The following CAB39 variants were observed in gnomAD, a reference collection of about 807,000 sequenced individuals.
The protein encoded by CAB39 is calcium-binding protein 39.
CAB39 carries 8 observed loss-of-function variants against 40.0 expected under a neutral mutation model. The ratio of observed to expected loss-of-function variants is 0.20; its 90% confidence interval spans 0.12 to 0.36. CAB39 has a LOEUF of 0.36. CAB39 is among the 10% of genes least tolerant of loss of function. CAB39 has a pLI of 1.00. For synonymous variants in CAB39, 156 were observed against 141.6 expected, an observed-to-expected ratio of 1.10 and a Z score of -0.72; for missense variants, 270 against 401.1, an observed-to-expected ratio of 0.67 and a Z score of 2.79.
In CAB39 at chr2:230,817,791, C is replaced by T; in HGVS notation, c.731C>T (p.Thr244Ile). The change falls in exon 8 of 9, where the codon ACA (threonine) becomes ATA (isoleucine). Residue 244 changes from threonine (T) to isoleucine (I), a missense_variant. Thr to Ile is a moderately conservative substitution (Grantham distance 89). Transcript: ENST00000258418. The stretch of plus-strand genomic sequence containing the variant: ...CTACTACTAGATAGACACAACTTCA[C>T]AATTATGACAAAATACATCAGTAAA... ...GELLLDRHNF[T>I]IMTKYISKPE... The T allele has an allele frequency of 6.2e-7, 1 of 1,611,210 alleles. No homozygotes were observed. Among genetic ancestry groups the T allele is most frequent in the Non-Finnish European group, 8.5e-7 (1 of 1,178,376 alleles).
chr2:230,749,486 A>G (rs1235774147), intron 1 of CAB39, among the ~76,000 whole-genome samples: 1 of 152,240 alleles, frequency 6.6e-6, no homozygotes, highest in African/African-American at 2.4e-5. Context: ...TTAGAAAAAT[A>G]TAAATATCAA....
At chr2:230,722,671 G>A (rs143174238) in intron 1 of CAB39, among the ~76,000 whole-genome samples, 15 of 152,326 alleles carry the variant, frequency 9.8e-5, no homozygotes, top group Non-Finnish European at 1.5e-4. Context: ...CATGCATAGC[G>A]TGTCTGATAG....
chr2:230,743,230 C>T (rs1307970039), intron 1 of CAB39, among the ~76,000 whole-genome samples: 1 of 152,166 alleles, frequency 6.6e-6, no homozygotes, highest in Non-Finnish European at 1.5e-5. Context: ...CTCTATATGA[C>T]TTCCACAGAC....
At chr2:230,816,823 C>T (rs761175831) in intron 7 of CAB39, among the ~76,000 whole-genome samples, 33 of 152,132 alleles carry the variant, frequency 2.2e-4, no homozygotes, top group Non-Finnish European at 3.4e-4. Flanking sequence ...AGTTCAGTAA[C>T]GTGCTCAAGA....
chr2:230,760,256 C>T, intron 2 of CAB39, 141 bp downstream of exon 2: 1 of 519,304 alleles, frequency 1.9e-6, no homozygotes, highest in Non-Finnish European at 3.5e-6. Flanking sequence ...GCTGCTGTTG[C>T]AACATACTTT....
Position 230,811,824 on chromosome 2 carries a change from C to G in CAB39, c.627+1502C>G, listed in dbSNP as rs113116846. Among the ~76,000 whole-genome samples the G allele has an allele frequency of 8.6e-3, 1,306 of 152,276 alleles. 19 individuals are homozygous for G. Among genetic ancestry groups the G allele is most frequent in the African/African-American group, 0.028 (1,169 of 41,552 alleles). ...AACATACTAGTAATTTAAGGCCTAC[C>G]AAAGACACAGACTAGCTGATTTCCA... is the stretch of plus-strand genomic sequence containing the variant. On this transcript the variant is annotated intron_variant, in intron 6 of 8. Coordinates refer to ENST00000258418, the MANE Select transcript of CAB39 (RefSeq NM_016289.4).
chr2:230,731,728 T>A (rs1694693399), intron 1 of CAB39, among the ~76,000 whole-genome samples: 1 of 152,212 alleles, frequency 6.6e-6, no homozygotes, highest in Non-Finnish European at 1.5e-5. Flanking sequence ...TGAACTGGCC[T>A]TAGGCAATTC....
At chr2:230,758,931 T>C (rs541000914) in intron 1 of CAB39, among the ~76,000 whole-genome samples, 42 of 152,350 alleles carry the variant, frequency 2.8e-4, no homozygotes, top group African/African-American at 9.6e-4. Flanking sequence ...TGTTCCCAAG[T>C]CACTTCCATT....
chr2:230,772,548 A>G (rs1018633663), intron 2 of CAB39, among the ~76,000 whole-genome samples: 31 of 150,730 alleles, frequency 2.1e-4, no homozygotes, highest in Non-Finnish European at 8.8e-5. Context: ...GCAGTGGCAC[A>G]GTCTCGGCTC....
chr2:230,713,923 A>C (rs1156281879), intron 1 of CAB39: 7 of 152,356 alleles, frequency 4.6e-5, no homozygotes, highest in Admixed American at 4.6e-4. Context: ...AGAACGACGG[A>C]GTGCTAGAAC....
intron 2 of CAB39, among the ~76,000 whole-genome samples, chr2:230,774,449 T>C (rs1388578494): frequency 2.6e-5 from 4 of 152,142 alleles, no homozygotes; most frequent in African/African-American, 9.7e-5. Flanking sequence ...AATGTTACCA[T>C]CCTTATTTTT....
Position 230,818,758 on chromosome 2 carries a change from C to A in CAB39, c.*54C>A. ...AATTCAGCATTTGCTGTTAGCTATTCAGCATCAGGCACTCTTATTGATTCA... is the reference window on the plus strand; with the variant it reads ...AATTCAGCATTTGCTGTTAGCTATTAAGCATCAGGCACTCTTATTGATTCA... On this transcript the variant is annotated 3_prime_UTR_variant, in exon 9 of 9. Coordinates refer to ENST00000258418, the MANE Select transcript of CAB39 (RefSeq NM_016289.4). 1 of 1,350,902 alleles carries A rather than the reference C, an allele frequency of 7.4e-7. No homozygotes were observed. Among genetic ancestry groups the A allele is most frequent in the Non-Finnish European group, 1.0e-6 (1 of 955,150 alleles). The allele number at this position is 1,350,902 out of a possible 1,614,324, so 83.7% of individuals were successfully genotyped here. A position where few individuals can be genotyped will look rare whatever the true frequency, so the allele number is the denominator to read the frequency against.
chr2:230,777,327 G>T (rs1184363891), intron 2 of CAB39, among the ~76,000 whole-genome samples: 1 of 149,912 alleles, frequency 6.7e-6, no homozygotes, highest in African/African-American at 2.5e-5. Flanking sequence ...TGAGTATGGG[G>T]TCATGCTGCT....
chr2:230,739,142 A>G lies in CAB39; in HGVS notation c.-43-20817A>G, dbSNP rs543454240. Among the ~76,000 whole-genome samples, 6 of 152,352 alleles carry G rather than the reference A, an allele frequency of 3.9e-5. No homozygotes were observed. In the East Asian group the frequency reaches 1.2e-3, roughly 29 times the overall value. On this transcript the variant is annotated intron_variant, in intron 1 of 8. Coordinates refer to ENST00000258418, the MANE Select transcript of CAB39 (RefSeq NM_016289.4). Reference sequence around the variant, plus strand: ...TTACCGAAATGTGGGTGAGGCTGTGATGTTTGCCCATGATCATATGGACTA... The same window carrying G: ...TTACCGAAATGTGGGTGAGGCTGTGGTGTTTGCCCATGATCATATGGACTA...
intron 2 of CAB39, among the ~76,000 whole-genome samples, chr2:230,761,236 G>A (rs1488653888): frequency 2.0e-5 from 3 of 152,100 alleles, no homozygotes; most frequent in African/African-American, 4.8e-5. Flanking sequence ...GTACATTGAA[G>A]TATCAAAAGG....
At chr2:230,773,279 TGGTTTCATG>T (rs1444917974) in intron 2 of CAB39, among the ~76,000 whole-genome samples, 1 of 150,410 alleles carries the variant, frequency 6.6e-6, no homozygotes, top group East Asian at 1.9e-4. Flanking sequence ...ACTATCTTGA[TGGTTTCATG>T]GGTGTATGTG....
chr2:230,743,242 A>G (rs1282481051), intron 1 of CAB39, among the ~76,000 whole-genome samples: 3 of 152,210 alleles, frequency 2.0e-5, no homozygotes, highest in Admixed American at 6.5e-5. Context: ...TCCACAGACA[A>G]CTAGGCTGGA....
chr2:230,780,870 T>C (rs1695674695), intron 2 of CAB39, among the ~76,000 whole-genome samples: 1 of 152,084 alleles, frequency 6.6e-6, no homozygotes, highest in African/African-American at 2.4e-5. Flanking sequence ...TAACTCGAGC[T>C]CAGGAGTTTG....
intron 2 of CAB39, among the ~76,000 whole-genome samples, chr2:230,778,313 T>C (rs1428040396): frequency 6.6e-6 from 1 of 152,214 alleles, no homozygotes; most frequent in African/African-American, 2.4e-5. Flanking sequence ...TTGGATCTAC[T>C]GAGTGCTTGA....
Sources: gnomAD v4.1 joint callset for allele counts (sites outside exome capture counted in the v4.1 genomes callset) on GRCh38, gnomAD v4.1.1 for gene constraint, MANE v1.5 for transcripts, NCBI Gene and HGNC (gene_info 2026-07-23, HGNC 2026-07-21) for gene names.